CLCF1: variants seen among roughly 807,000 people sequenced by gnomAD.
CLCF1 encodes cardiotrophin like cytokine factor 1.
CLCF1 carries 10 observed loss-of-function variants against 21.2 expected under a neutral mutation model. That is an observed-to-expected ratio of 0.47 (90% CI 0.29 to 0.80). The LOEUF (loss-of-function observed/expected upper bound fraction) is 0.80. CLCF1 is among the 30% of genes least tolerant of loss of function. The probability of loss-of-function intolerance (pLI) is 0.09; values close to 1 mark genes in which losing one functional copy is unlikely to be tolerated. For missense variants in CLCF1, 240 were observed against 293.4 expected (o/e 0.82, Z 1.33); for synonymous variants, 115 against 120.5 (o/e 0.95, Z 0.30).
intron 1 of CLCF1, chr11:67,369,902 G>C (rs574050260): frequency 2.7e-4 from 265 of 982,938 alleles, no homozygotes; most frequent in Admixed American, 3.1e-4. Flanking sequence ...CCTTTGGATA[G>C]ACAAGAACTA....
Position 67,373,561 on chromosome 11 carries a change from G to A in CLCF1, c.-22C>T, listed in dbSNP as rs1316639335. On this transcript the variant is annotated 5_prime_UTR_variant, in exon 1 of 3. Transcript: ENST00000312438. The stretch of plus-strand genomic sequence containing the variant: ...CCATGGGGCTGGGGCCGGGCCGGCC[G>A]GGTGCGGCTCCTCTCCCGGAGGCTG... 2.9e-6 allele frequency: 4 copies of A among 1,376,410 alleles called. No individual in the cohort carries two copies. Among genetic ancestry groups the A allele is most frequent in the Non-Finnish European group, 3.8e-6 (4 of 1,064,988 alleles). 85.3% of individuals were successfully genotyped at this position (1,376,410 alleles called of 1,614,324 possible).
At chr11:67,368,174 G>A in intron 1 of CLCF1, 1 of 985,400 alleles carries the variant, frequency 1.0e-6, no homozygotes. Flanking sequence ...AAGGTATAGG[G>A]TTAGACCACT....
intron 1 of CLCF1, 139 bp from the exon 2 acceptor site, chr11:67,367,765 T>C (rs763515623): frequency 6.6e-7 from 1 of 1,510,052 alleles, no homozygotes; most frequent in Non-Finnish European, 8.8e-7. Context: ...GCAGAGGGGA[T>C]GGAGGAGGGG....
At chr11:67,374,020 C>CT (rs397743369), upstream of CLCF1, 16 of 989,646 alleles carry the variant, frequency 1.6e-5, no homozygotes, top group Non-Finnish European at 1.8e-5. Context: ...TGTCCCCTGC[C>CT]GATGCGGGGT....
chr11:67,373,433 CGGGGCTCCCGG>C, intron 1 of CLCF1, 80 bp downstream of exon 1: 1 of 681,430 alleles, frequency 1.5e-6, no homozygotes, highest in Non-Finnish European at 2.3e-6. Context: ...GGCCCCGGCG[CGGGGCTCCCGG>C]GGGTCAGGGC....
chr11:67,368,307 G>T, intron 1 of CLCF1: 1 of 985,398 alleles, frequency 1.0e-6, no homozygotes, highest in Non-Finnish European at 1.2e-6. Context: ...GGGAACGGTG[G>T]CAGTGTGGAG....
chr11:67,366,001 G>A (rs1437425032), intron 2 of CLCF1, among the ~76,000 whole-genome samples: 1 of 152,210 alleles, frequency 6.6e-6, no homozygotes, highest in Non-Finnish European at 1.5e-5. Context: ...GAGGTAGAAG[G>A]TGGCCCAGGA....
chr11:67,372,616 CGGCGGGGGCGGG>C lies in CLCF1; in HGVS notation c.16+896_16+907del, dbSNP rs1209988862. 8.0e-4 allele frequency among the ~76,000 whole-genome samples: 117 copies of C among 145,914 alleles called. No individual in the cohort carries two copies. The highest frequency in any genetic ancestry group is 2.2e-3 in the South Asian group (10 of 4,642). On this transcript the variant is annotated intron_variant, in intron 1 of 2. Coordinates refer to ENST00000312438, the MANE Select transcript of CLCF1 (RefSeq NM_013246.3). This position sits in a 1 kb window ranked among gnomAD's most constrained non-coding sequence, Gnocchi z 5.9. ...CTCCCGCCCGGTCGCTCCTTCCCCG[CGGCGGGGGCGGG>C]GGCGGGGGCGGGGGCGGGGTCCGGG...
rs946420907 is a variant in CLCF1 at position 67,365,037 on chromosome 11, G to C, written c.*99C>G. 22 of 1,588,894 alleles carry C rather than the reference G, an allele frequency of 1.4e-5. No individual in the cohort carries two copies. Among genetic ancestry groups the C allele is most frequent in the Non-Finnish European group, 1.7e-5 (20 of 1,171,488 alleles). ...TCCAGGAAAGGGCCAGAGGCTCACA[G>C]CTTCTGTCTCCTGGCTCAACAGGTG... On this transcript the variant is annotated 3_prime_UTR_variant, in exon 3 of 3. Coordinates refer to ENST00000312438, the MANE Select transcript of CLCF1 (RefSeq NM_013246.3). The surrounding 1 kb of genome is among the most constrained non-coding windows in gnomAD (Gnocchi z 5.0).
chr11:67,373,565 G>T lies in CLCF1; in HGVS notation c.-26C>A. The T allele has an allele frequency of 7.3e-7, 1 of 1,370,032 alleles. No homozygotes were observed. The highest frequency in any genetic ancestry group is 1.6e-5 in the South Asian group (1 of 61,294). 84.9% of individuals were successfully genotyped at this position (1,370,032 alleles called of 1,614,324 possible). Reference sequence around the variant, plus strand: ...GGGGCTGGGGCCGGGCCGGCCGGGTGCGGCTCCTCTCCCGGAGGCTGGCGG... The same window carrying T: ...GGGGCTGGGGCCGGGCCGGCCGGGTTCGGCTCCTCTCCCGGAGGCTGGCGG... On this transcript the variant is annotated 5_prime_UTR_variant, in exon 1 of 3. Transcript: ENST00000312438.
chr11:67,367,402 G>A lies in CLCF1; in HGVS notation c.183+58C>T, dbSNP rs1160147585. On this transcript the variant is annotated intron_variant, in intron 2 of 2. Coordinates refer to ENST00000312438, the MANE Select transcript of CLCF1 (RefSeq NM_013246.3). ...ACCAGAACCCTCCACGGTTAGGACT[G>A]TCTTTCCCCAACTCCTCACTCCTCC... The A allele has an allele frequency of 7.8e-5, 126 of 1,612,988 alleles. 1 individual carries two copies. The East Asian group carries it at 2.7e-3, about 35-fold the overall frequency.
At chr11:67,367,671 C>A in intron 1 of CLCF1, 45 bp from the exon 2 acceptor site, 1 of 1,593,676 alleles carries the variant, frequency 6.3e-7, no homozygotes, top group Non-Finnish European at 8.5e-7. Flanking sequence ...CCCGGGCCCA[C>A]ACGGGGAAGC....
chr11:67,364,995 A>T lies in CLCF1; in HGVS notation c.*141T>A. ...GTGGGGAGGAGACAGGGCTGATCGCATCACACGCCCAGCCGGTCCAGGAAA... is the reference window on the plus strand; with the variant it reads ...GTGGGGAGGAGACAGGGCTGATCGCTTCACACGCCCAGCCGGTCCAGGAAA... On this transcript the variant is annotated 3_prime_UTR_variant, in exon 3 of 3. Transcript: ENST00000312438. 7.1e-7 allele frequency: 1 copy of T among 1,414,332 alleles called. No individual in the cohort carries two copies. The highest frequency in any genetic ancestry group is 9.6e-7 in the Non-Finnish European group (1 of 1,040,316). 87.6% of individuals were successfully genotyped at this position (1,414,332 alleles called of 1,614,324 possible).
At position 67,372,792 on chromosome 11, in the gene CLCF1, C is replaced by T. The variant is rs1310860008; in HGVS notation, c.16+732G>A. Among the ~76,000 whole-genome samples, 2 of 150,232 alleles carry T rather than the reference C, an allele frequency of 1.3e-5. No homozygotes were observed. The highest frequency in any genetic ancestry group is 2.0e-4 in the East Asian group (1 of 5,050). ...GCCGGGTCCGGCCCGGCTGCGCCAG[C>T]CCCCCGCCAAACAATAATCACTCCC... On this transcript the variant is annotated intron_variant, in intron 1 of 2. Coordinates refer to ENST00000312438, the MANE Select transcript of CLCF1 (RefSeq NM_013246.3). This position sits in a 1 kb window ranked among gnomAD's most constrained non-coding sequence, Gnocchi z 5.9.
chr11:67,370,256 A>G (rs12788752), intron 1 of CLCF1: 113,577 of 985,078 alleles, frequency 0.12, 18,737 homozygotes, highest in African/African-American at 0.72. Context: ...TGGGAACCCA[A>G]CACAGCTCGC....
In CLCF1 at chr11:67,367,179, C is replaced by T. The variant is rs750424885; in HGVS notation, c.183+281G>A. On this transcript the variant is annotated intron_variant, in intron 2 of 2. Coordinates refer to ENST00000312438, the MANE Select transcript of CLCF1 (RefSeq NM_013246.3). ...ACGGTGTAAACAGAGGAGACTTCCC[C>T]GGCCCCCAGGGGGAGGCGGGCGGCT... Among the ~76,000 whole-genome samples, 5 of 152,086 alleles carry T rather than the reference C, an allele frequency of 3.3e-5. No individual in the cohort carries two copies. In the South Asian group the frequency reaches 6.2e-4, roughly 19 times the overall value.
chr11:67,371,575 A>G (rs1862234620), intron 1 of CLCF1, among the ~76,000 whole-genome samples: 1 of 152,070 alleles, frequency 6.6e-6, no homozygotes, highest in African/African-American at 2.4e-5. Flanking sequence ...GGCTGGAGTG[A>G]GAGGGTTCCT....
At chr11:67,367,910 G>A (rs972688577) in intron 1 of CLCF1, 7 of 985,440 alleles carry the variant, frequency 7.1e-6, no homozygotes, top group Non-Finnish European at 8.4e-6. Context: ...TTTGGCATGT[G>A]TGCCACTGTG....
intron 1 of CLCF1, chr11:67,369,288 G>C: frequency 1.0e-6 from 1 of 985,370 alleles, no homozygotes; most frequent in Non-Finnish European, 1.2e-6. Context: ...TGGCGGTGGG[G>C]TACCACAAGT....
Sources: gnomAD v4.1 joint callset for allele counts (sites outside exome capture counted in the v4.1 genomes callset) on GRCh38, gnomAD v4.1.1 for gene constraint, Gnocchi (gnomAD v3.1) non-coding constraint, MANE v1.5 for transcripts, NCBI Gene and HGNC (gene_info 2026-07-23, HGNC 2026-07-21) for gene names.